Variants in PDGFC observed in about 807,000 individuals in gnomAD.
The protein encoded by PDGFC is platelet derived growth factor C, also known as platelet-derived growth factor C.
In PDGFC, 12 loss-of-function variants were observed where a neutral mutation model predicts 35.5. The observed-to-expected ratio is 0.34, with a 90% CI of 0.22 to 0.55. The LOEUF is 0.55. Among genes scored for constraint, PDGFC ranks in the 20% least tolerant of loss-of-function variants. PDGFC has a pLI of 0.91. For synonymous variants in PDGFC, 159 were observed against 148.8 expected (o/e 1.07, Z -0.50); for missense variants, 322 against 412.4 (o/e 0.78, Z 1.90).
intron 1 of PDGFC, among the ~76,000 whole-genome samples, chr4:156,933,469 T>G (rs1190690121): frequency 6.6e-6 from 1 of 152,230 alleles, no homozygotes; most frequent in African/African-American, 2.4e-5. Context: ...GCCTTCTTGT[T>G]CCAACTCCCA....
At chr4:156,827,431 T>G (rs113897753) in intron 2 of PDGFC, among the ~76,000 whole-genome samples, 8,501 of 141,594 alleles carry the variant, frequency 0.06, 827 homozygotes, top group African/African-American at 0.23. Context: ...AAAAAAAAAA[T>G]AACAGATTGA....
intron 2 of PDGFC, among the ~76,000 whole-genome samples, chr4:156,849,964 T>C (rs1729413164): frequency 6.6e-6 from 1 of 152,154 alleles, no homozygotes; most frequent in Non-Finnish European, 1.5e-5. Flanking sequence ...TTTTATTCCA[T>C]GTATGCTTTT....
intron 2 of PDGFC, among the ~76,000 whole-genome samples, chr4:156,818,662 C>T (rs1235404513): frequency 6.6e-6 from 1 of 151,728 alleles, no homozygotes; most frequent in Non-Finnish European, 1.5e-5. Flanking sequence ...CTGGGACTAC[C>T]AGGCTAATTT....
intron 3 of PDGFC, among the ~76,000 whole-genome samples, chr4:156,778,579 T>C (rs1263933706): frequency 6.6e-6 from 1 of 152,184 alleles, no homozygotes; most frequent in East Asian, 1.9e-4. Context: ...TGTTAACATC[T>C]TTCCCCTTTT....
intron 1 of PDGFC, among the ~76,000 whole-genome samples, chr4:156,944,445 A>G (rs1325072528): frequency 6.6e-6 from 1 of 152,136 alleles, no homozygotes; most frequent in Non-Finnish European, 1.5e-5. Context: ...ATCTACTCAC[A>G]TGCACTGACT....
At chr4:156,865,186 G>GCACACACACA (rs34323245) in intron 1 of PDGFC, among the ~76,000 whole-genome samples, 7,824 of 146,706 alleles carry the variant, frequency 0.053, 234 homozygotes, top group Middle Eastern at 0.1. Context: ...AGATACATGT[G>GCACACACACA]CACACACACA....
chr4:156,851,725 C>T (rs1275842528), intron 1 of PDGFC, among the ~76,000 whole-genome samples: 1 of 151,796 alleles, frequency 6.6e-6, no homozygotes, highest in Non-Finnish European at 1.5e-5. Flanking sequence ...GGGTGGATCA[C>T]GAGGTCAGGA....
chr4:156,760,649 T>C lies in PDGFC; in HGVS notation c.*2441A>G, dbSNP rs1730355128. The C allele has an allele frequency of 6.6e-6, 1 of 152,116 alleles. No individual in the cohort carries two copies. Among genetic ancestry groups the C allele is most frequent in the South Asian group, 2.1e-4 (1 of 4,810 alleles). The allele number at this position is 152,116 out of a possible 1,614,324, so 9.4% of individuals were successfully genotyped here. On this transcript the variant is annotated 3_prime_UTR_variant, in exon 6 of 6. Transcript: ENST00000502773. ...GTGTGTGTGTGTGTGTTTAGTAAAA[T>C]ACACAGGACGATCTATGAGTAAGTG...
At chr4:156,779,208 T>C (rs1324138617) in intron 3 of PDGFC, 1 of 456,106 alleles carries the variant, frequency 2.2e-6, no homozygotes, top group African/African-American at 2.0e-5. Context: ...ACACGCTTCT[T>C]TGCCTTTCCC....
chr4:156,813,826 T>C (rs1176841057), intron 2 of PDGFC, among the ~76,000 whole-genome samples: 1 of 152,164 alleles, frequency 6.6e-6, no homozygotes, highest in Non-Finnish European at 1.5e-5. Context: ...AACCTGGATG[T>C]TCGGCTTTTA....
chr4:156,850,940 AAG>A (rs1198755828), intron 1 of PDGFC, among the ~76,000 whole-genome samples: 2 of 152,198 alleles, frequency 1.3e-5, no homozygotes, highest in African/African-American at 2.4e-5. Flanking sequence ...GTGAGGATAA[AAG>A]AGGCAGAAGT....
intron 3 of PDGFC, among the ~76,000 whole-genome samples, chr4:156,804,227 T>G (rs955468652): frequency 6.6e-6 from 1 of 151,900 alleles, no homozygotes; most frequent in Admixed American, 6.6e-5. Flanking sequence ...AACAAATAAA[T>G]AAATAACTGC....
At chr4:156,772,582 C>T (rs1730719131) in intron 4 of PDGFC, 104 bp downstream of exon 4, 1 of 663,636 alleles carries the variant, frequency 1.5e-6, no homozygotes, top group Non-Finnish European at 2.6e-6. Flanking sequence ...GAATATATCA[C>T]TGATGAATTT....
At chr4:156,871,526 T>A (rs1192414292) in intron 1 of PDGFC, among the ~76,000 whole-genome samples, 1 of 152,138 alleles carries the variant, frequency 6.6e-6, no homozygotes, top group Non-Finnish European at 1.5e-5. Flanking sequence ...CTATTATCAA[T>A]CTCGGCTTAT....
At chr4:156,787,896 G>A (rs768946386) in intron 3 of PDGFC, among the ~76,000 whole-genome samples, 6 of 152,128 alleles carry the variant, frequency 3.9e-5, no homozygotes, top group Admixed American at 1.3e-4. Flanking sequence ...TAAGAGTGAG[G>A]ATGGGAGAAA....
chr4:156,861,662 T>C (rs1729712509), intron 1 of PDGFC, among the ~76,000 whole-genome samples: 1 of 152,102 alleles, frequency 6.6e-6, no homozygotes, highest in African/African-American at 2.4e-5. Context: ...CTTTTATTCA[T>C]GGACATTTGT....
chr4:156,781,081 A>G lies in PDGFC; in HGVS notation c.496-8188T>C, dbSNP rs1296826150. Among the ~76,000 whole-genome samples the G allele has an allele frequency of 5.3e-5, 8 of 152,108 alleles. 1 individual carries two copies. Among genetic ancestry groups the G allele is most frequent in the Admixed American group, 5.2e-4 (8 of 15,256 alleles). ...CTATAGTTTCAAAGCATTGCATATC[A>G]TTTATACGCGGACTACCAGAAAATT... On this transcript the variant is annotated intron_variant, in intron 3 of 5. Coordinates refer to ENST00000502773, the MANE Select transcript of PDGFC (RefSeq NM_016205.3).
Position 156,802,609 on chromosome 4 carries a change from T to G in PDGFC, c.495+8228A>C, listed in dbSNP as rs1004444652. Among the ~76,000 whole-genome samples the G allele has an allele frequency of 6.9e-4, 105 of 151,718 alleles. 1 individual carries two copies. Among genetic ancestry groups the G allele is most frequent in the African/African-American group, 2.0e-3 (81 of 41,262 alleles). ...ATATACATTTTACATACACAAAACATATATATTAGATATATACAATGCCAA... is the reference window on the plus strand; with the variant it reads ...ATATACATTTTACATACACAAAACAGATATATTAGATATATACAATGCCAA... On this transcript the variant is annotated intron_variant, in intron 3 of 5. Coordinates refer to ENST00000502773, the MANE Select transcript of PDGFC (RefSeq NM_016205.3).
intron 1 of PDGFC, among the ~76,000 whole-genome samples, chr4:156,884,675 C>A (rs1014094933): frequency 6.6e-6 from 1 of 152,142 alleles, no homozygotes; most frequent in South Asian, 2.1e-4. Context: ...TATTTGTATA[C>A]TGATTTGCTA....
Sources: gnomAD v4.1 joint callset for allele counts (sites outside exome capture counted in the v4.1 genomes callset) on GRCh38, gnomAD v4.1.1 for gene constraint, MANE v1.5 for transcripts, NCBI Gene and HGNC (gene_info 2026-07-23, HGNC 2026-07-21) for gene names.